The following CHD8 variants were observed in gnomAD, a reference collection of about 807,000 sequenced individuals.
CHD8 encodes chromodomain helicase DNA binding protein 8.
A neutral mutation model predicts 279.2 loss-of-function variants in CHD8; 31 were observed. That is an observed-to-expected ratio of 0.11 (90% CI 0.08 to 0.15). The LOEUF is 0.15. Among genes scored for constraint, CHD8 ranks in the 10% least tolerant of loss-of-function variants. The pLI is 1.00. For missense variants in CHD8, 2,146 were observed against 3,230.5 expected, an observed-to-expected ratio of 0.66 and a Z score of 8.14; for synonymous variants, 1,081 against 1,139.6, an observed-to-expected ratio of 0.95 and a Z score of 1.04.
intron 1 of CHD8, among the ~76,000 whole-genome samples, chr14:21,448,573 T>A (rs1890180942): frequency 6.6e-6 from 1 of 151,942 alleles, no homozygotes; most frequent in Non-Finnish European, 1.5e-5. Flanking sequence ...TTTTTTTTTG[T>A]TTTTTGAGAC....
rs527720999 is a variant in CHD8 at position 21,412,780 on chromosome 14, T to G, written c.2226+133A>C. 3 of 657,688 alleles carry G rather than the reference T, an allele frequency of 4.6e-6. No homozygotes were observed. The African/African-American group carries it at 5.4e-5, about 12-fold the overall frequency. 40.7% of individuals were successfully genotyped at this position (657,688 alleles called of 1,614,324 possible). On this transcript the variant is annotated intron_variant, in intron 10 of 37. Coordinates refer to ENST00000646647, the MANE Select transcript of CHD8 (RefSeq NM_001170629.2). ...TACCTCCCATTATCTTTCAAAGGAT[T>G]CCACAGAAAAATTTAGAAATACCTT...
chr14:21,431,452 A>G lies in CHD8; in HGVS notation c.192T>C (p.Ser64=). Reference sequence around the variant, plus strand: ...TTTCCTCTGGTGGAGGGACCAGTTCACTTGCTGATGAATTCCCCACATCAC... The same window carrying G: ...TTTCCTCTGGTGGAGGGACCAGTTCGCTTGCTGATGAATTCCCCACATCAC... ...GGGDVGNSSA[S]ELVPPPEETA... is the part of the protein sequence containing the mutation. Residue 64 remains serine, a synonymous_variant, in exon 2 of 38, where the codon AGT becomes AGC. Transcript: ENST00000646647. The G allele has an allele frequency of 6.5e-7, 1 of 1,536,832 alleles. No individual in the cohort carries two copies. The highest frequency in any genetic ancestry group is 8.7e-7 in the Non-Finnish European group (1 of 1,146,708).
At position 21,445,688 on chromosome 14, in the gene CHD8, C is replaced by CAAAAAAA. The variant is rs747923350; in HGVS notation, c.-216+10337_-216+10343dup. ...CGGGCAACAGAGCAGGATTCGGTCTCAAAAAAAAAAAAAAAAAAAAAAAAA... is the reference window on the plus strand; with the variant it reads ...CGGGCAACAGAGCAGGATTCGGTCTCAAAAAAAAAAAAAAAAAAAAAAAAAAAAAAAA... On this transcript the variant is annotated intron_variant, in intron 1 of 37. Coordinates refer to ENST00000646647, the MANE Select transcript of CHD8 (RefSeq NM_001170629.2). 1.2e-3 allele frequency among the ~76,000 whole-genome samples: 20 copies of CAAAAAAA among 17,264 alleles called. 2 individuals are homozygous for CAAAAAAA. Among genetic ancestry groups the CAAAAAAA allele is most frequent in the African/African-American group, 3.5e-3 (18 of 5,164 alleles). 11.3% of individuals were successfully genotyped at this position (17,264 alleles called of 152,430 possible). A position where few individuals can be genotyped will look rare whatever the true frequency, so the allele number is the denominator to read the frequency against.
intron 3 of CHD8, among the ~76,000 whole-genome samples, chr14:21,428,577 T>G (rs1889427966): frequency 6.6e-6 from 1 of 152,174 alleles, no homozygotes; most frequent in Admixed American, 6.5e-5. Context: ...AAAATTCAAA[T>G]TCTACTCTTG....
chr14:21,420,251 T>A (rs1057080500), intron 5 of CHD8, among the ~76,000 whole-genome samples: 1 of 152,234 alleles, frequency 6.6e-6, no homozygotes, highest in Non-Finnish European at 1.5e-5. Context: ...TGGACAAGAA[T>A]GAGCCCTTCC....
At chr14:21,387,235 C>G (rs1295152566) in intron 37 of CHD8, among the ~76,000 whole-genome samples, 2 of 152,304 alleles carry the variant, frequency 1.3e-5, no homozygotes, top group South Asian at 2.1e-4. Flanking sequence ...CCTGTAATCC[C>G]AGCACTTTGG....
intron 37 of CHD8, among the ~76,000 whole-genome samples, chr14:21,390,221 G>A (rs1887464354): frequency 6.6e-6 from 1 of 152,162 alleles, no homozygotes; most frequent in Non-Finnish European, 1.5e-5. Context: ...GGGTGACAGA[G>A]TGAGACCATG....
At position 21,385,876 on chromosome 14, in the gene CHD8, G is replaced by T. The variant is rs1439710930; in HGVS notation, c.7483C>A (p.His2495Asn). Reference protein sequence around the residue: ...HVDSSTMLHHHHHHPHPHHHH... With the variant: ...HVDSSTMLHHNHHHPHPHHHH... Reference sequence around the variant, plus strand: ...TGGTGGGGGTGGGGGTGGTGGTGGTGGTGATGAAGCATGGTGCTGGAGTCT... The same window carrying T: ...TGGTGGGGGTGGGGGTGGTGGTGGTTGTGATGAAGCATGGTGCTGGAGTCT... The change falls in exon 38 of 38, where the codon CAC becomes AAC. Residue 2495 changes from histidine to asparagine, a missense_variant. This residue lies in a region of CHD8 where 336 missense variants were observed against 392.9 expected (regional missense o/e 0.86). Coordinates refer to ENST00000646647, the MANE Select transcript of CHD8 (RefSeq NM_001170629.2). The T allele has an allele frequency of 3.2e-6, 5 of 1,550,670 alleles. No homozygotes were observed. In the African/African-American group the frequency reaches 5.5e-5, roughly 17 times the overall value.
chr14:21,426,468 T>C, intron 4 of CHD8: 1 of 462,990 alleles, frequency 2.2e-6, no homozygotes, highest in Non-Finnish European at 3.8e-6. Flanking sequence ...ATCCTTGTTA[T>C]TACTGTGTTC....
intron 1 of CHD8, among the ~76,000 whole-genome samples, chr14:21,433,027 G>A (rs984454324): frequency 5.9e-5 from 9 of 152,140 alleles, no homozygotes; most frequent in African/African-American, 2.2e-4. Context: ...CTGTACCATG[G>A]CCCAGCTCCT....
At chr14:21,387,119 G>A (rs1384716580) in intron 37 of CHD8, among the ~76,000 whole-genome samples, 1 of 152,154 alleles carries the variant, frequency 6.6e-6, no homozygotes, top group Non-Finnish European at 1.5e-5. Flanking sequence ...TTCTGATTAA[G>A]TTCATTGAAG....
Position 21,400,501 on chromosome 14 carries a change from G to A in CHD8, c.4482C>T (p.Tyr1494=), listed in dbSNP as rs1461469429. The A allele has an allele frequency of 1.9e-6, 3 of 1,613,184 alleles. No individual in the cohort carries two copies. In the South Asian group the frequency reaches 3.3e-5, roughly 18 times the overall value. Residue 1494 remains tyrosine (Y), a synonymous_variant, in exon 23 of 38, where the codon TAC becomes TAT. Transcript: ENST00000646647. The surrounding 1 kb of genome is among the most constrained non-coding windows in gnomAD (Gnocchi z 4.2). ...RAILVYCLLH[Y]RGDENIKGFI... The stretch of plus-strand genomic sequence containing the variant: ...AGCCTTTAATATTTTCATCCCCACG[G>A]TAGTGTAGAAGACAGTACACGAGAA...
Position 21,403,264 on chromosome 14 carries a change from C to A in CHD8, c.3519-52G>T. 3 of 1,553,004 alleles carry A rather than the reference C, an allele frequency of 1.9e-6. No homozygotes were observed. The South Asian group carries it at 3.4e-5, about 18-fold the overall frequency. On this transcript the variant is annotated intron_variant, in intron 17 of 37. Coordinates refer to ENST00000646647, the MANE Select transcript of CHD8 (RefSeq NM_001170629.2). This position sits in a 1 kb window ranked among gnomAD's most constrained non-coding sequence, Gnocchi z 4.3. ...GTAAGTGGCTAAGCAGAAGTGGAGA[C>A]CAAAACAGCAGGCTAGGATCAATAC...
At chr14:21,435,617 A>G (rs1209552656) in intron 1 of CHD8, among the ~76,000 whole-genome samples, 1 of 152,198 alleles carries the variant, frequency 6.6e-6, no homozygotes, top group Non-Finnish European at 1.5e-5. Context: ...TCAACAAAGC[A>G]GTGATTCTCA....
intron 25 of CHD8, 136 bp downstream of exon 25, chr14:21,399,845 C>G (rs1340004246): frequency 2.1e-6 from 2 of 962,764 alleles, no homozygotes; most frequent in African/African-American, 1.6e-5. Context: ...CCACTAGTGT[C>G]AAGTATAAGA....
intron 1 of CHD8, among the ~76,000 whole-genome samples, chr14:21,444,414 T>A (rs552868825): frequency 2.0e-5 from 3 of 152,316 alleles, no homozygotes; most frequent in African/African-American, 7.2e-5. Context: ...TAGCTCTCTC[T>A]CCCTTTATAT....
At chr14:21,448,566 T>C (rs1454688911) in intron 1 of CHD8, among the ~76,000 whole-genome samples, 1 of 151,942 alleles carries the variant, frequency 6.6e-6, no homozygotes, top group Non-Finnish European at 1.5e-5. Flanking sequence ...ACTGAACTTT[T>C]TTTTTGTTTT....
chr14:21,401,207 A>G, intron 21 of CHD8, 136 bp from the exon 22 acceptor site: 2 of 901,284 alleles, frequency 2.2e-6, no homozygotes, highest in South Asian at 3.7e-5. Context: ...CATGTAAAAT[A>G]ATCTACAGAA....
chr14:21,419,301 G>A (rs545667773), intron 5 of CHD8, among the ~76,000 whole-genome samples: 1 of 152,184 alleles, frequency 6.6e-6, no homozygotes, highest in South Asian at 2.1e-4. Flanking sequence ...GCTCATGTCT[G>A]TAATCCTAGC....
Sources: gnomAD v4.1 joint callset for allele counts (sites outside exome capture counted in the v4.1 genomes callset) on GRCh38, gnomAD v4.1.1 for gene constraint, gnomAD v4.1.1 regional missense constraint, Gnocchi (gnomAD v3.1) non-coding constraint, MANE v1.5 for transcripts, NCBI Gene and HGNC (gene_info 2026-07-23, HGNC 2026-07-21) for gene names.